TRAM2: variants seen among roughly 807,000 people sequenced by gnomAD.
TRAM2 encodes the protein translocation associated membrane protein 2.
In TRAM2, 12 loss-of-function variants were observed where a neutral mutation model predicts 51.0. The observed-to-expected ratio is 0.24, with a 90% CI of 0.15 to 0.38. The LOEUF is 0.38. TRAM2 is among the 10% of genes least tolerant of loss of function. The pLI is 1.00. For missense variants in TRAM2, 361 were observed against 462.0 expected (o/e 0.78, Z 2.00); for synonymous variants, 175 against 179.4 (o/e 0.98, Z 0.20).
chr6:52,538,138 A>G (rs1767007049), intron 1 of TRAM2, among the ~76,000 whole-genome samples: 1 of 152,254 alleles, frequency 6.6e-6, no homozygotes, highest in Non-Finnish European at 1.5e-5. Flanking sequence ...GGAAGATCAG[A>G]GGAGTTGGAA....
chr6:52,554,532 A>G (rs1767368673), intron 1 of TRAM2, among the ~76,000 whole-genome samples: 1 of 151,116 alleles, frequency 6.6e-6, no homozygotes, highest in African/African-American at 2.4e-5. Flanking sequence ...AAAAAAAAAA[A>G]AAAAAAGAAA....
In TRAM2 at chr6:52,502,995, T is replaced by C; in HGVS notation, c.*202A>G. 1 of 611,044 alleles carries C rather than the reference T, an allele frequency of 1.6e-6. No homozygotes were observed. Among genetic ancestry groups the C allele is most frequent in the South Asian group, 2.0e-5 (1 of 50,916 alleles). The allele number at this position is 611,044 out of a possible 1,614,324, so 37.9% of individuals were successfully genotyped here. Reference sequence around the variant, plus strand: ...GGGGAGAAAGAGAAAGATTTTTGGCTTTATTGAGAATGGTTTGTGGAAGAA... The same window carrying C: ...GGGGAGAAAGAGAAAGATTTTTGGCCTTATTGAGAATGGTTTGTGGAAGAA... On this transcript the variant is annotated 3_prime_UTR_variant, in exon 11 of 11. Transcript: ENST00000182527.
rs1238056237 is a variant in TRAM2, at chr6:52,504,608, A to G, written c.1022T>C (p.Leu341Pro). 6.2e-7 allele frequency: 1 copy of G among 1,614,110 alleles called. No homozygotes were observed. The highest frequency in any genetic ancestry group is 1.3e-5 in the African/African-American group (1 of 75,032). Residue 341 changes from leucine (L) to proline (P), a missense_variant, in exon 10 of 11, where the codon CTC becomes CCC. Leu to Pro is a moderately conservative substitution (Grantham distance 98). Transcript: ENST00000182527. ...VPATPRLPAR[L>P]IKRESGYHEN... ...GCACTCACCAGATTCCCTCTTGATG[A>G]GCCTGGCTGGTAGTCTGGGTGTGGC...
intron 1 of TRAM2, among the ~76,000 whole-genome samples, chr6:52,572,586 G>A (rs1439949079): frequency 1.3e-5 from 2 of 152,374 alleles, no homozygotes; most frequent in Non-Finnish European, 1.5e-5. Context: ...CTGTGTGACA[G>A]AGCGAGACTC....
intron 1 of TRAM2, among the ~76,000 whole-genome samples, chr6:52,565,748 A>C (rs561069334): frequency 6.6e-6 from 1 of 152,368 alleles, no homozygotes; most frequent in African/African-American, 2.4e-5. Context: ...CTATAGGTAG[A>C]TCTCAGTACA....
At chr6:52,507,380 T>A (rs1398860222) in intron 7 of TRAM2, among the ~76,000 whole-genome samples, 173 bp downstream of exon 7, 2 of 152,242 alleles carry the variant, frequency 1.3e-5, no homozygotes, top group East Asian at 3.8e-4. Context: ...AGAATGAGAA[T>A]GAACCACTGA....
intron 1 of TRAM2, among the ~76,000 whole-genome samples, chr6:52,555,371 T>C (rs1052358613): frequency 2.6e-5 from 4 of 151,468 alleles, no homozygotes; most frequent in Admixed American, 6.6e-5. Flanking sequence ...CACTTTAACA[T>C]TGCCTTTTTC....
intron 1 of TRAM2, among the ~76,000 whole-genome samples, chr6:52,558,735 T>G (rs1277630133): frequency 1.3e-5 from 2 of 152,112 alleles, no homozygotes; most frequent in Non-Finnish European, 2.9e-5. Context: ...CTGTTAATGG[T>G]GAATCATGAT....
intron 1 of TRAM2, among the ~76,000 whole-genome samples, chr6:52,550,652 C>T (rs1003252844): frequency 4.6e-5 from 7 of 152,070 alleles, no homozygotes; most frequent in African/African-American, 1.7e-4. Context: ...CCCAGGCTCA[C>T]GTGATTCTCC....
intron 6 of TRAM2, 72 bp downstream of exon 6, chr6:52,508,162 G>C (rs1402907448): frequency 1.0e-5 from 14 of 1,393,730 alleles, no homozygotes; most frequent in Non-Finnish European, 1.4e-5. Flanking sequence ...AGGAAGGGAG[G>C]TACCCCTGGG....
At chr6:52,516,373 G>A (rs1766549780) in intron 3 of TRAM2, 1 of 592,856 alleles carries the variant, frequency 1.7e-6, no homozygotes, top group Non-Finnish European at 3.0e-6. Context: ...TACTCAATGT[G>A]CCCCAGACCC....
chr6:52,573,448 T>TA (rs1169261597), intron 1 of TRAM2, among the ~76,000 whole-genome samples: 3 of 152,004 alleles, frequency 2.0e-5, no homozygotes, highest in African/African-American at 7.3e-5. Flanking sequence ...AGGGGGAAAA[T>TA]AAAGTTCCAC....
chr6:52,539,313 G>A (rs1356693156), intron 1 of TRAM2, among the ~76,000 whole-genome samples: 1 of 152,222 alleles, frequency 6.6e-6, no homozygotes, highest in Non-Finnish European at 1.5e-5. Context: ...CTGGGAATGT[G>A]AGTGTTGGGC....
At chr6:52,523,585 CTCTT>C (rs1473215625) in intron 2 of TRAM2, 9 of 152,232 alleles carry the variant, frequency 5.9e-5, no homozygotes, top group Non-Finnish European at 1.3e-4. Flanking sequence ...GGGAAACAGA[CTCTT>C]TCTTACACAC....
chr6:52,541,490 G>A (rs566218875), intron 1 of TRAM2, among the ~76,000 whole-genome samples: 55 of 152,238 alleles, frequency 3.6e-4, no homozygotes, highest in Non-Finnish European at 6.8e-4. Flanking sequence ...TGCCCAAAAC[G>A]CAACCTTACA....
At chr6:52,532,324 G>T (rs1024785226) in intron 2 of TRAM2, among the ~76,000 whole-genome samples, 2 of 152,136 alleles carry the variant, frequency 1.3e-5, no homozygotes, top group South Asian at 4.1e-4. Flanking sequence ...GGTATGTGGG[G>T]TATGATCCAG....
intron 2 of TRAM2, among the ~76,000 whole-genome samples, chr6:52,521,803 C>T (rs1259499398): frequency 6.6e-6 from 1 of 152,098 alleles, no homozygotes; most frequent in African/African-American, 2.4e-5. Flanking sequence ...TTAGAGCTCC[C>T]ACTTCTCATA....
intron 1 of TRAM2, among the ~76,000 whole-genome samples, chr6:52,571,746 G>A (rs955225073): frequency 6.6e-6 from 1 of 152,198 alleles, no homozygotes; most frequent in African/African-American, 2.4e-5. Context: ...TGGGGGAAAA[G>A]TCTCCATCTC....
intron 1 of TRAM2, among the ~76,000 whole-genome samples, chr6:52,548,331 A>G (rs1159943884): frequency 6.6e-6 from 1 of 152,346 alleles, no homozygotes; most frequent in African/African-American, 2.4e-5. Flanking sequence ...AGGTAAAGGC[A>G]TTTTACACAA....
Sources: gnomAD v4.1 joint callset for allele counts (sites outside exome capture counted in the v4.1 genomes callset) on GRCh38, gnomAD v4.1.1 for gene constraint, MANE v1.5 for transcripts, NCBI Gene and HGNC (gene_info 2026-07-23, HGNC 2026-07-21) for gene names.